MYO5B: variants seen among roughly 807,000 people sequenced by gnomAD.
MYO5B encodes the protein unconventional myosin-Vb.
A neutral mutation model predicts 229.3 loss-of-function variants in MYO5B; 143 were observed. The observed-to-expected ratio is 0.62, with a 90% confidence interval of 0.54 to 0.72. MYO5B has a LOEUF of 0.72. MYO5B is among the 30% of genes least tolerant of loss of function. The pLI, the probability that MYO5B is intolerant of heterozygous loss-of-function variation, is 0.00. For missense variants in MYO5B, 2,321 were observed against 2,331.0 expected, an observed-to-expected ratio of 1.00 and a Z score of 0.09; for synonymous variants, 918 against 885.2, an observed-to-expected ratio of 1.04 and a Z score of -0.66.
At chr18:49,874,170 C>A (rs2024489860) in intron 26 of MYO5B, among the ~76,000 whole-genome samples, 2 of 152,248 alleles carry the variant, frequency 1.3e-5, no homozygotes. Flanking sequence ...CCTTAATATA[C>A]ATGACAGAGC....
At chr18:50,078,569 A>T (rs2031142323) in intron 1 of MYO5B, among the ~76,000 whole-genome samples, 1 of 152,240 alleles carries the variant, frequency 6.6e-6, no homozygotes, top group South Asian at 2.1e-4. Context: ...CTTTACACTC[A>T]ACATAATGCC....
intron 27 of MYO5B, 103 bp from the exon 28 acceptor site, chr18:49,864,483 G>A (rs578082578): frequency 5.8e-5 from 88 of 1,514,040 alleles, no homozygotes; most frequent in Middle Eastern, 3.5e-4. Flanking sequence ...GGGAAACTTC[G>A]CTCTTTAAAC....
chr18:50,090,629 T>A (rs1599013527), intron 1 of MYO5B, among the ~76,000 whole-genome samples: 1 of 152,180 alleles, frequency 6.6e-6, no homozygotes, highest in East Asian at 1.9e-4. Context: ...TTTTTAGGCT[T>A]CTTGGGGATT....
At chr18:50,077,685 T>C (rs16951456) in intron 1 of MYO5B, among the ~76,000 whole-genome samples, 14,179 of 152,244 alleles carry the variant, frequency 0.093, 1,211 homozygotes, top group African/African-American at 0.23. Context: ...AAGCTTTATC[T>C]TAAAACAACG....
At chr18:50,030,024 A>G (rs2026370605) in intron 4 of MYO5B, among the ~76,000 whole-genome samples, 1 of 152,212 alleles carries the variant, frequency 6.6e-6, no homozygotes, top group African/African-American at 2.4e-5. Context: ...GGAAGAAACC[A>G]ACATTATTTT....
At chr18:49,988,318 A>C (rs2025893605) in intron 7 of MYO5B, among the ~76,000 whole-genome samples, 1 of 152,190 alleles carries the variant, frequency 6.6e-6, no homozygotes, top group Admixed American at 6.5e-5. Context: ...CATGAGGCCG[A>C]GGACAGCCTG....
At chr18:50,194,625 C>G (rs1312107376) in intron 1 of MYO5B, 142 bp downstream of exon 1, 1 of 550,644 alleles carries the variant, frequency 1.8e-6, no homozygotes, top group Non-Finnish European at 3.2e-6. Context: ...ACTCCGAGGA[C>G]AGTGACGAGG....
At chr18:50,037,071 T>G in intron 3 of MYO5B, 77 bp from the exon 4 acceptor site, 1 of 1,550,864 alleles carries the variant, frequency 6.4e-7, no homozygotes, top group Non-Finnish European at 8.9e-7. Flanking sequence ...ACCCATCCAT[T>G]CATACACATG....
At chr18:49,890,566 C>T (rs1266129126) in intron 22 of MYO5B, among the ~76,000 whole-genome samples, 2 of 152,166 alleles carry the variant, frequency 1.3e-5, no homozygotes, top group Non-Finnish European at 2.9e-5. Context: ...ACTAGTTTGT[C>T]TTTGGGGATA....
intron 1 of MYO5B, among the ~76,000 whole-genome samples, chr18:50,115,543 GAGAGACAC>G (rs1458764411): frequency 2.0e-4 from 12 of 60,168 alleles, no homozygotes; most frequent in African/African-American, 4.1e-4. Flanking sequence ...CACACACACA[GAGAGACAC>G]ACACACACAC....
intron 22 of MYO5B, among the ~76,000 whole-genome samples, chr18:49,891,662 C>G (rs2024716029): frequency 6.6e-6 from 1 of 152,166 alleles, no homozygotes; most frequent in Non-Finnish European, 1.5e-5. Flanking sequence ...GCTGAGAGCA[C>G]AACCCCCTCT....
At chr18:49,866,448 C>T (rs1480651277) in intron 27 of MYO5B, among the ~76,000 whole-genome samples, 1 of 152,136 alleles carries the variant, frequency 6.6e-6, no homozygotes, top group Admixed American at 6.5e-5. Context: ...CCATCCATCT[C>T]GAGAACTTTT....
At chr18:49,933,684 C>T (rs2025218823) in intron 16 of MYO5B, among the ~76,000 whole-genome samples, 1 of 152,140 alleles carries the variant, frequency 6.6e-6, no homozygotes, top group African/African-American at 2.4e-5. Context: ...ATGCACAGGA[C>T]AGCACCCCTT....
intron 33 of MYO5B, 72 bp downstream of exon 33, chr18:49,847,074 T>C: frequency 6.4e-7 from 1 of 1,559,638 alleles, no homozygotes. Context: ...GTGGGGGTTG[T>C]GCTGGGGATG....
chr18:49,940,422 A>C (rs1458140200), intron 14 of MYO5B, among the ~76,000 whole-genome samples: 1 of 152,188 alleles, frequency 6.6e-6, no homozygotes, highest in Non-Finnish European at 1.5e-5. Context: ...ACTCAAAGGC[A>C]GTTTCTGCAA....
intron 20 of MYO5B, among the ~76,000 whole-genome samples, chr18:49,904,223 C>T (rs1317653605): frequency 1.3e-5 from 2 of 152,196 alleles, no homozygotes; most frequent in East Asian, 3.8e-4. Context: ...AATAAATGCC[C>T]TTCTTCAAGG....
At chr18:50,095,137 A>G (rs4939935) in intron 1 of MYO5B, among the ~76,000 whole-genome samples, 148,890 of 152,330 alleles carry the variant, frequency 0.98, 72,863 homozygotes, top group East Asian at 1. Flanking sequence ...GCCGAAATCC[A>G]TCAACATTCC....
intron 17 of MYO5B, among the ~76,000 whole-genome samples, chr18:49,914,511 G>C (rs561294304): frequency 6.6e-6 from 1 of 152,092 alleles, no homozygotes; most frequent in African/African-American, 2.4e-5. Context: ...CAGGTGTGGT[G>C]GCTCACACCT....
Position 49,826,030 on chromosome 18 carries a change from A to ATGCCATTATCATGGTTATTAG in MYO5B, c.*420_*440dup. 4.8e-6 allele frequency: 1 copy of ATGCCATTATCATGGTTATTAG among 207,306 alleles called. No individual in the cohort carries two copies. Among genetic ancestry groups the ATGCCATTATCATGGTTATTAG allele is most frequent in the South Asian group, 8.2e-5 (1 of 12,206 alleles). 12.8% of individuals were successfully genotyped at this position (207,306 alleles called of 1,614,324 possible). A position where few individuals can be genotyped will look rare whatever the true frequency, so the allele number is the denominator to read the frequency against. On this transcript the variant is annotated 3_prime_UTR_variant, in exon 40 of 40. Coordinates refer to ENST00000285039, the MANE Select transcript of MYO5B (RefSeq NM_001080467.3). Reference sequence around the variant, plus strand: ...TGCAAACTTTGGGAAATGTCAGTATATGCCATTATCATGGTTATTAGTACC... The same window carrying ATGCCATTATCATGGTTATTAG: ...TGCAAACTTTGGGAAATGTCAGTATATGCCATTATCATGGTTATTAGTGCCATTATCATGGTTATTAGTACC...
Sources: gnomAD v4.1 joint callset for allele counts (sites outside exome capture counted in the v4.1 genomes callset) on GRCh38, gnomAD v4.1.1 for gene constraint, MANE v1.5 for transcripts, NCBI Gene and HGNC (gene_info 2026-07-23, HGNC 2026-07-21) for gene names.